The following KLRD1 variants were observed in gnomAD, a reference collection of about 807,000 sequenced individuals.
KLRD1 encodes natural killer cells antigen CD94.
Under a neutral mutation model 22.6 loss-of-function variants are expected in KLRD1, and 21 were observed. That is an observed-to-expected ratio of 0.93 (90% confidence interval 0.66 to 1.34). The LOEUF is 1.34. Ranked by LOEUF, KLRD1 falls within the 40% of genes most tolerant of loss-of-function variation. The pLI is 0.00. For synonymous variants in KLRD1, 59 were observed against 71.1 expected, an observed-to-expected ratio of 0.83 and a Z score of 0.85; for missense variants, 183 against 208.6, an observed-to-expected ratio of 0.88 and a Z score of 0.76.
At chr12:10,259,319 C>T (rs7960272) in intron 1 of KLRD1, among the ~76,000 whole-genome samples, 121,931 of 152,168 alleles carry the variant, frequency 0.8, 53,444 homozygotes, top group Non-Finnish European at 0.98. Flanking sequence ...CCTCCATCAT[C>T]ATCATAGTTA....
intron 1 of KLRD1, among the ~76,000 whole-genome samples, chr12:10,281,859 T>A (rs1949646912): frequency 6.6e-6 from 1 of 152,184 alleles, no homozygotes; most frequent in Admixed American, 6.5e-5. Context: ...AGACTATATA[T>A]CCAATTTAGA....
At chr12:10,309,767 T>C in intron 3 of KLRD1, 79 bp downstream of exon 3, 1 of 952,938 alleles carries the variant, frequency 1.0e-6, no homozygotes, top group Non-Finnish European at 1.7e-6. Context: ...CAGAGAGGCA[T>C]GATGGAATAT....
chr12:10,320,863 A>G lies in KLRD1; in HGVS notation c.*6070A>G, dbSNP rs546251081. ...TAGGGCTTCTAGGAAGCCCCAGGGTATTGTCCCTCAGGTATCTCAGCAGAA... is the reference window on the plus strand; with the variant it reads ...TAGGGCTTCTAGGAAGCCCCAGGGTGTTGTCCCTCAGGTATCTCAGCAGAA... On this transcript the variant is annotated 3_prime_UTR_variant, in exon 6 of 6. Coordinates refer to ENST00000336164, the MANE Select transcript of KLRD1 (RefSeq NM_002262.5). 4.6e-5 allele frequency: 7 copies of G among 152,240 alleles called. No homozygotes were observed. The East Asian group carries it at 1.4e-3, about 29-fold the overall frequency. 9.4% of individuals were successfully genotyped at this position (152,240 alleles called of 1,614,324 possible).
At chr12:10,286,483 C>T (rs559390838) in intron 1 of KLRD1, among the ~76,000 whole-genome samples, 1 of 151,832 alleles carries the variant, frequency 6.6e-6, no homozygotes, top group Admixed American at 6.5e-5. Context: ...GGTTATGTAA[C>T]CTACTCAAGT....
At chr12:10,245,140 A>G (rs1949279040) in intron 1 of KLRD1, among the ~76,000 whole-genome samples, 1 of 152,120 alleles carries the variant, frequency 6.6e-6, no homozygotes, top group Non-Finnish European at 1.5e-5. Flanking sequence ...AGTGGATTAC[A>G]TGAGGTCACG....
In KLRD1 at chr12:10,324,818, G is replaced by GTGTATATATATATATATA. The variant is rs750696767; in HGVS notation, c.*10026_*10027insGTATATATATATATATAT. On this transcript the variant is annotated 3_prime_UTR_variant, in exon 6 of 6. Transcript: ENST00000336164. ...AGTATATATGTATATGTGTGTGTGT[G>GTGTATATATATATATATA]TATATATATATATATATATATATAT... The GTGTATATATATATATATA allele has an allele frequency of 8.9e-3, 663 of 74,090 alleles. 26 individuals carry two copies. The highest frequency in any genetic ancestry group is 0.066 in the East Asian group (113 of 1,720). 4.6% of individuals were successfully genotyped at this position (74,090 alleles called of 1,614,324 possible).
intron 1 of KLRD1, among the ~76,000 whole-genome samples, chr12:10,243,709 G>T (rs759901092): frequency 6.7e-6 from 1 of 149,582 alleles, no homozygotes; most frequent in Non-Finnish European, 1.5e-5. Flanking sequence ...AAACTGTCTA[G>T]TAACAATTTT....
chr12:10,310,123 T>C (rs1276304466), intron 3 of KLRD1, among the ~76,000 whole-genome samples: 1 of 152,182 alleles, frequency 6.6e-6, no homozygotes, highest in African/African-American at 2.4e-5. Flanking sequence ...CCAATTTTCG[T>C]TTTTGGAGAT....
chr12:10,248,684 G>A (rs1284841106), intron 1 of KLRD1, among the ~76,000 whole-genome samples: 3 of 143,842 alleles, frequency 2.1e-5, no homozygotes, highest in Admixed American at 7.0e-5. Context: ...TGCAACCTCC[G>A]CCTCCTGGGT....
upstream of KLRD1, among the ~76,000 whole-genome samples, chr12:10,301,061 C>G (rs942703463): frequency 6.6e-6 from 1 of 152,164 alleles, no homozygotes; most frequent in Non-Finnish European, 1.5e-5. Context: ...ACAACTTTCT[C>G]CATATCCACA....
upstream of KLRD1, among the ~76,000 whole-genome samples, chr12:10,301,540 TC>T (rs1316731799): frequency 3.3e-5 from 5 of 152,208 alleles, no homozygotes; most frequent in Non-Finnish European, 7.3e-5. Flanking sequence ...AGAATTCTTC[TC>T]ATTTTCTTGT....
At chr12:10,254,710 G>T (rs1426686155) in intron 1 of KLRD1, among the ~76,000 whole-genome samples, 2 of 151,936 alleles carry the variant, frequency 1.3e-5, no homozygotes, top group African/African-American at 4.8e-5. Context: ...TCAACATGGT[G>T]AAACCCTGTC....
chr12:10,251,936 C>A (rs1397676019), intron 1 of KLRD1, among the ~76,000 whole-genome samples: 1 of 152,176 alleles, frequency 6.6e-6, no homozygotes, highest in African/African-American at 2.4e-5. Context: ...TCCTGCTGTG[C>A]TCCAGGTTCC....
chr12:10,298,877 A>C (rs536265613), intron 1 of KLRD1, among the ~76,000 whole-genome samples: 2 of 152,314 alleles, frequency 1.3e-5, no homozygotes, highest in South Asian at 4.1e-4. Flanking sequence ...TCAGCTCTGA[A>C]GGCTGTGAGA....
At chr12:10,269,153 C>CTT (rs199585565) in intron 1 of KLRD1, among the ~76,000 whole-genome samples, 10 of 150,512 alleles carry the variant, frequency 6.6e-5, no homozygotes, top group African/African-American at 2.2e-4. Flanking sequence ...TCTTTCTTTC[C>CTT]TTTTTTTTTG....
At chr12:10,296,188 A>G (rs749128508) in intron 1 of KLRD1, among the ~76,000 whole-genome samples, 1 of 152,220 alleles carries the variant, frequency 6.6e-6, no homozygotes, top group Non-Finnish European at 1.5e-5. Context: ...CACAGTGTCC[A>G]TGAAATGAGA....
chr12:10,305,299 T>C (rs1299006081), upstream of KLRD1, among the ~76,000 whole-genome samples: 1 of 152,180 alleles, frequency 6.6e-6, no homozygotes, highest in African/African-American at 2.4e-5. Flanking sequence ...ACCTAACTTT[T>C]CAAAAGCAAA....
At chr12:10,239,599 T>C (rs1949222883) in intron 1 of KLRD1, among the ~76,000 whole-genome samples, 9 of 148,708 alleles carry the variant, frequency 6.1e-5, no homozygotes, top group Admixed American at 4.7e-4. Flanking sequence ...CTTTCTTTCT[T>C]TCTCTCTCTT....
intron 1 of KLRD1, among the ~76,000 whole-genome samples, chr12:10,239,462 C>T (rs138447867): frequency 0.37 from 19,261 of 52,418 alleles, 3,022 homozygotes; most frequent in East Asian, 0.59. Context: ...TCCTTCCTTC[C>T]TTCCTTCCTT....
Sources: allele counts gnomAD v4.1 joint callset (sites outside exome capture counted in the v4.1 genomes callset), GRCh38; gene constraint gnomAD v4.1.1; transcripts MANE v1.5; gene names NCBI Gene and HGNC (gene_info 2026-07-23, HGNC 2026-07-21).